GAN: variants seen among roughly 807,000 people sequenced by gnomAD.
GAN encodes the protein gigaxonin.
GAN carries 48 observed loss-of-function variants against 71.3 expected under a neutral mutation model. The ratio of observed to expected loss-of-function variants is 0.67; its 90% confidence interval spans 0.53 to 0.86. GAN has a LOEUF of 0.86. GAN is among the 40% of genes least tolerant of loss of function. The pLI, the probability that GAN is intolerant of heterozygous loss-of-function variation, is 0.00. For missense variants in GAN, 928 were observed against 770.1 expected (o/e 1.21, Z -2.43); for synonymous variants, 386 against 276.8 (o/e 1.39, Z -3.92).
At chr16:81,346,075 A>T (rs1910109358) in intron 1 of GAN, among the ~76,000 whole-genome samples, 1 of 152,176 alleles carries the variant, frequency 6.6e-6, no homozygotes, top group South Asian at 2.1e-4. Flanking sequence ...CCTCTATCTG[A>T]ACATGTTTTG....
intron 1 of GAN, among the ~76,000 whole-genome samples, chr16:81,323,153 A>C (rs560615998): frequency 6.6e-6 from 1 of 152,148 alleles, no homozygotes; most frequent in African/African-American, 2.4e-5. Flanking sequence ...TCTTCCTTAC[A>C]TGAAAGTTGG....
At chr16:81,373,687 G>T (rs1206142589) in intron 9 of GAN, among the ~76,000 whole-genome samples, 1 of 152,116 alleles carries the variant, frequency 6.6e-6, no homozygotes. Context: ...ATCCAATCCA[G>T]GATTCTACCT....
rs1186341590 is a variant in GAN, at chr16:81,383,480, C to G, written c.*5884C>G. On this transcript the variant is annotated 3_prime_UTR_variant, in exon 11 of 11. Coordinates refer to ENST00000648994, the MANE Select transcript of GAN (RefSeq NM_022041.4). The stretch of plus-strand genomic sequence containing the variant: ...TGTTAGCCAGCATGGTCTCGATCTC[C>G]TAAACTTCGTGATCCGCCCGCCTCA... 1 of 151,032 alleles carries G rather than the reference C, an allele frequency of 6.6e-6. No individual in the cohort carries two copies. Among genetic ancestry groups the G allele is most frequent in the Non-Finnish European group, 1.5e-5 (1 of 67,794 alleles). The allele number at this position is 151,032 out of a possible 1,614,324, so 9.4% of individuals were successfully genotyped here. A position where few individuals can be genotyped will look rare whatever the true frequency, so the allele number is the denominator to read the frequency against.
Position 81,365,884 on chromosome 16 carries a change from C to G in GAN, c.1502+406C>G, listed in dbSNP as rs139632775. ...GGCCACATAACAAGACCCTGTTCTC[C>G]AAAGAAAAATAAATAAACTCCTTAA... On this transcript the variant is annotated intron_variant, in intron 9 of 10. Transcript: ENST00000648994. Among the ~76,000 whole-genome samples the G allele has an allele frequency of 7.2e-4, 110 of 152,062 alleles. 1 individual carries two copies. The East Asian group carries it at 0.015, about 21-fold the overall frequency.
intron 9 of GAN, among the ~76,000 whole-genome samples, chr16:81,366,398 C>T (rs973659654): frequency 2.6e-5 from 4 of 152,218 alleles, no homozygotes; most frequent in Non-Finnish European, 2.9e-5. Context: ...TCGATGTCTT[C>T]TCTCTTTCCT....
chr16:81,325,036 G>A (rs1909337658), intron 1 of GAN, among the ~76,000 whole-genome samples: 1 of 118,794 alleles, frequency 8.4e-6, no homozygotes, highest in African/African-American at 2.6e-5. Context: ...AGCCAGGGAT[G>A]GCTCCCAGGC....
chr16:81,353,291 C>CAAAA (rs11464814), intron 2 of GAN, among the ~76,000 whole-genome samples: 15 of 132,644 alleles, frequency 1.1e-4, no homozygotes, highest in African/African-American at 3.2e-4. Context: ...GACTCCGTCT[C>CAAAA]AAAAAAAAAA....
At chr16:81,317,324 T>C (rs539009525) in intron 1 of GAN, among the ~76,000 whole-genome samples, 76 of 152,356 alleles carry the variant, frequency 5.0e-4, no homozygotes, top group African/African-American at 1.8e-3. Context: ...TTATACCTAA[T>C]TGAGAAACGC....
chr16:81,360,384 C>T (rs1025024073), intron 5 of GAN, among the ~76,000 whole-genome samples: 3 of 152,164 alleles, frequency 2.0e-5, no homozygotes, highest in African/African-American at 7.2e-5. Flanking sequence ...GAAGTCATTC[C>T]ACTGACTTCT....
At chr16:81,328,887 C>T (rs1442008033) in intron 1 of GAN, among the ~76,000 whole-genome samples, 1 of 152,192 alleles carries the variant, frequency 6.6e-6, no homozygotes, top group South Asian at 2.1e-4. Context: ...ACATATTCTT[C>T]TTTGTTTTTG....
rs1463122106 is a variant in GAN at position 81,327,616 on chromosome 16, A to AAAGAG, written c.167+12338_167+12339insGAGAA. 3.9e-3 allele frequency among the ~76,000 whole-genome samples: 596 copies of AAAGAG among 151,444 alleles called. 16 individuals carry two copies. The highest frequency in any genetic ancestry group is 0.014 in the African/African-American group (566 of 40,706). ...AGGCCTACTTTCTTTGAAAAGGCAT[A>AAAGAG]AAATCTTCCTTGTAACTCTCTACAT... On this transcript the variant is annotated intron_variant, in intron 1 of 10. Transcript: ENST00000648994.
intron 2 of GAN, 134 bp downstream of exon 2, chr16:81,351,831 A>G (rs1910310426): frequency 2.8e-6 from 2 of 713,548 alleles, no homozygotes; most frequent in African/African-American, 1.7e-5. Context: ...ATTGACTGAC[A>G]TTTCCTACTG....
At chr16:81,316,530 T>C (rs1157462405) in intron 1 of GAN, among the ~76,000 whole-genome samples, 1 of 152,112 alleles carries the variant, frequency 6.6e-6, no homozygotes, top group Non-Finnish European at 1.5e-5. Context: ...GTAGCATCGT[T>C]AGTACAGAAT....
At chr16:81,377,164 A>G in intron 9 of GAN, 55 bp from the exon 10 acceptor site, 1 of 1,022,892 alleles carries the variant, frequency 9.8e-7, no homozygotes, top group Non-Finnish European at 1.6e-6. Context: ...GTCTTCCTAG[A>G]TGTTGTTGTC....
intron 9 of GAN, among the ~76,000 whole-genome samples, chr16:81,369,184 T>C (rs952664136): frequency 3.3e-5 from 5 of 152,212 alleles, no homozygotes; most frequent in African/African-American, 1.2e-4. Context: ...AATATATAAC[T>C]AGAATAGACA....
At chr16:81,345,134 C>T (rs981586333) in intron 1 of GAN, among the ~76,000 whole-genome samples, 1 of 152,178 alleles carries the variant, frequency 6.6e-6, no homozygotes, top group African/African-American at 2.4e-5. Flanking sequence ...AAAATAGGAA[C>T]ACTTTTACAC....
chr16:81,376,555 A>T lies in GAN; in HGVS notation c.1503-664A>T, dbSNP rs186612134. On this transcript the variant is annotated intron_variant, in intron 9 of 10. Coordinates refer to ENST00000648994, the MANE Select transcript of GAN (RefSeq NM_022041.4). ...TATGTGTATATGTATATACACACAT[A>T]TACATATATATGTGTATATGTGTAT... 6.3e-4 allele frequency among the ~76,000 whole-genome samples: 93 copies of T among 148,356 alleles called. 1 individual carries two copies. Among genetic ancestry groups the T allele is most frequent in the African/African-American group, 2.3e-3 (89 of 38,968 alleles).
chr16:81,367,867 C>A (rs1269027521), intron 9 of GAN, among the ~76,000 whole-genome samples: 2 of 152,184 alleles, frequency 1.3e-5, no homozygotes, highest in African/African-American at 4.8e-5. Context: ...TTTCAACTAC[C>A]ACGCTAGATT....
intron 1 of GAN, among the ~76,000 whole-genome samples, chr16:81,335,347 G>A (rs1337344861): frequency 6.6e-6 from 1 of 152,060 alleles, no homozygotes; most frequent in Non-Finnish European, 1.5e-5. Flanking sequence ...TGGACACAGT[G>A]GCTCACACCT....
Sources: gnomAD v4.1 joint callset for allele counts (sites outside exome capture counted in the v4.1 genomes callset) on GRCh38, gnomAD v4.1.1 for gene constraint, MANE v1.5 for transcripts, NCBI Gene and HGNC (gene_info 2026-07-23, HGNC 2026-07-21) for gene names.